Variants in ADAMTS18 observed in about 807,000 individuals in gnomAD.
ADAMTS18 encodes the protein A disintegrin and metalloproteinase with thrombospondin motifs 18.
A neutral mutation model predicts 165.9 loss-of-function variants in ADAMTS18; 157 were observed. The ratio of observed to expected loss-of-function variants is 0.95; its 90% CI spans 0.83 to 1.08. ADAMTS18 has a LOEUF of 1.08. Among genes scored for constraint, ADAMTS18 ranks in the 50% least tolerant of loss-of-function variants. ADAMTS18 has a pLI of 0.00. For missense variants in ADAMTS18, 2,040 were observed against 1,534.0 expected (o/e 1.33, Z -5.51); for synonymous variants, 782 against 578.2 (o/e 1.35, Z -5.06).
At chr16:77,328,686 T>C (rs140423537) in intron 12 of ADAMTS18, among the ~76,000 whole-genome samples, 77 of 152,334 alleles carry the variant, frequency 5.1e-4, no homozygotes, top group African/African-American at 1.7e-3. Flanking sequence ...TTACAAGGCA[T>C]ATTTAAAACT....
At chr16:77,313,520 G>C (rs2055824478) in intron 16 of ADAMTS18, among the ~76,000 whole-genome samples, 1 of 151,648 alleles carries the variant, frequency 6.6e-6, no homozygotes, top group African/African-American at 2.4e-5. Flanking sequence ...AAACAGAATT[G>C]TGGAAGACTG....
intron 11 of ADAMTS18, among the ~76,000 whole-genome samples, chr16:77,337,908 CTTTT>C (rs10679600): frequency 1.4e-5 from 2 of 140,838 alleles, no homozygotes; most frequent in South Asian, 4.5e-4. Context: ...CTTTTCTTTT[CTTTT>C]TTTTTTTTTT....
chr16:77,308,410 TTG>T (rs1005593418), intron 16 of ADAMTS18, among the ~76,000 whole-genome samples: 2 of 152,000 alleles, frequency 1.3e-5, no homozygotes, highest in African/African-American at 4.8e-5. Context: ...TCATTCATTG[TTG>T]TGTGTGTGTA....
chr16:77,297,187 C>A (rs2055489750), intron 18 of ADAMTS18, 102 bp downstream of exon 18: 2 of 1,509,992 alleles, frequency 1.3e-6, no homozygotes, highest in East Asian at 4.6e-5. Flanking sequence ...CTTTGAATCA[C>A]TTTCCATTAG....
chr16:77,416,490 G>A (rs927489390), intron 3 of ADAMTS18, among the ~76,000 whole-genome samples: 4 of 152,130 alleles, frequency 2.6e-5, no homozygotes, highest in African/African-American at 7.2e-5. Context: ...TCATGGTAGT[G>A]AGTAAGACTC....
intron 3 of ADAMTS18, among the ~76,000 whole-genome samples, chr16:77,387,149 T>C (rs1300762645): frequency 6.6e-6 from 1 of 152,168 alleles, no homozygotes; most frequent in Non-Finnish European, 1.5e-5. Flanking sequence ...GAGAGATAAA[T>C]GGAATGTATG....
At chr16:77,386,871 AT>A (rs1307357401) in intron 3 of ADAMTS18, among the ~76,000 whole-genome samples, 1 of 152,162 alleles carries the variant, frequency 6.6e-6, no homozygotes, top group East Asian at 1.9e-4. Flanking sequence ...AGCATAGTTT[AT>A]TTAACTTTGT....
At chr16:77,362,721 T>C (rs536792947) in intron 6 of ADAMTS18, among the ~76,000 whole-genome samples, 1 of 152,304 alleles carries the variant, frequency 6.6e-6, no homozygotes, top group African/African-American at 2.4e-5. Flanking sequence ...ACTGAATGAA[T>C]AAACAAATGA....
intron 21 of ADAMTS18, among the ~76,000 whole-genome samples, chr16:77,289,825 G>T (rs182734314): frequency 1.3e-5 from 2 of 152,284 alleles, no homozygotes; most frequent in African/African-American, 4.8e-5. Flanking sequence ...GACAGAAAAA[G>T]AAATGGTCAG....
At chr16:77,371,392 A>C (rs2056874258) in intron 3 of ADAMTS18, among the ~76,000 whole-genome samples, 1 of 152,158 alleles carries the variant, frequency 6.6e-6, no homozygotes, top group Non-Finnish European at 1.5e-5. Flanking sequence ...TATACTAGAA[A>C]GCTACAGTAA....
At chr16:77,392,422 C>G (rs1164723182) in intron 3 of ADAMTS18, among the ~76,000 whole-genome samples, 1 of 152,126 alleles carries the variant, frequency 6.6e-6, no homozygotes, top group Non-Finnish European at 1.5e-5. Context: ...GCTTATTCTG[C>G]CCTAAACACT....
At chr16:77,355,202 T>TTGTGTGTGTGTGTGTG (rs141620918) in intron 9 of ADAMTS18, among the ~76,000 whole-genome samples, 2,218 of 146,646 alleles carry the variant, frequency 0.015, 29 homozygotes, top group Non-Finnish European at 0.021. Context: ...AAAGGTAGGA[T>TTGTGTGTGTGTGTGTG]TGTGTGTGTG....
chr16:77,355,226 G>GTC (rs2056611721), intron 9 of ADAMTS18, among the ~76,000 whole-genome samples: 1 of 151,798 alleles, frequency 6.6e-6, no homozygotes, highest in African/African-American at 2.4e-5. Context: ...GTGTGTGTGT[G>GTC]TGTGTGTATT....
intron 18 of ADAMTS18, among the ~76,000 whole-genome samples, chr16:77,296,779 C>T (rs1051495894): frequency 1.3e-5 from 2 of 152,084 alleles, no homozygotes; most frequent in Non-Finnish European, 2.9e-5. Context: ...ATCATGAGGC[C>T]ACTGTACTCC....
chr16:77,353,989 T>C (rs939252982), intron 9 of ADAMTS18, 103 bp from the exon 10 acceptor site: 5 of 1,394,798 alleles, frequency 3.6e-6, no homozygotes, highest in African/African-American at 2.8e-5. Context: ...AAATATAGCA[T>C]GGTTCTAGAA....
At chr16:77,424,527 T>C (rs1015400886) in intron 3 of ADAMTS18, among the ~76,000 whole-genome samples, 2 of 151,540 alleles carry the variant, frequency 1.3e-5, no homozygotes, top group Non-Finnish European at 2.9e-5. Context: ...CAGCCTCCCA[T>C]GTGAGACCCC....
At chr16:77,335,947 T>C in intron 11 of ADAMTS18, 43 bp from the exon 12 acceptor site, 1 of 1,613,526 alleles carries the variant, frequency 6.2e-7, no homozygotes, top group South Asian at 1.1e-5. Flanking sequence ...AGAGACCACC[T>C]GGGAAAGCGC....
At chr16:77,362,476 A>G (rs1029587856) in intron 6 of ADAMTS18, among the ~76,000 whole-genome samples, 41 of 152,230 alleles carry the variant, frequency 2.7e-4, no homozygotes, top group African/African-American at 9.4e-4. Flanking sequence ...GTGATTTATG[A>G]TTGATCATAG....
intron 16 of ADAMTS18, among the ~76,000 whole-genome samples, chr16:77,309,198 G>A (rs74025793): frequency 0.053 from 7,928 of 150,234 alleles, 561 homozygotes; most frequent in African/African-American, 0.16. Flanking sequence ...TTATGCTAAC[G>A]TGCGCATGTA....
Sources: allele counts gnomAD v4.1 joint callset (sites outside exome capture counted in the v4.1 genomes callset), GRCh38; gene constraint gnomAD v4.1.1; transcripts MANE v1.5; gene names NCBI Gene and HGNC (gene_info 2026-07-23, HGNC 2026-07-21).